PDE1C: variants seen among roughly 807,000 people sequenced by gnomAD.
The protein encoded by PDE1C is dual specificity calcium/calmodulin-dependent 3',5'-cyclic nucleotide phosphodiesterase 1C.
In PDE1C, 62 loss-of-function variants were observed where a neutral mutation model predicts 93.1. The ratio of observed to expected loss-of-function variants is 0.67; its 90% CI spans 0.54 to 0.82. PDE1C has a LOEUF of 0.82. Among genes scored for constraint, PDE1C ranks in the 40% least tolerant of loss-of-function variants. PDE1C has a pLI of 0.00. For missense variants in PDE1C, 742 were observed against 884.6 expected (o/e 0.84, Z 2.04); for synonymous variants, 325 against 310.1 (o/e 1.05, Z -0.50).
chr7:31,636,038 AG>A, the PDE1C span, among the ~76,000 whole-genome samples: 1 of 152,192 alleles, frequency 6.6e-6, no homozygotes, highest in Non-Finnish European at 1.5e-5. Context: ...ACTTTTTCAC[AG>A]GGCAGCAGGA....
At chr7:32,011,531 T>C (rs559486338) in intron 2 of PDE1C, among the ~76,000 whole-genome samples, 67 of 152,276 alleles carry the variant, frequency 4.4e-4, no homozygotes, top group African/African-American at 1.5e-3. Context: ...TTTAAACAGA[T>C]ATTTGACCAA....
chr7:32,252,616 G>A (rs1185226836), intron 1 of PDE1C, among the ~76,000 whole-genome samples: 1 of 152,276 alleles, frequency 6.6e-6, no homozygotes, highest in East Asian at 1.9e-4. Context: ...ATGAATGTTT[G>A]AGGAGGCTAC....
rs1180892572 is a variant in PDE1C, at chr7:31,824,961, T to G, written c.1312A>C (p.Thr438Pro). Reference sequence around the variant, plus strand: ...GTCATGTCCGTAAGCACAGTGAAGGTGGGTTCCACGATGAAATCAATGAAA... The same window carrying G: ...GTCATGTCCGTAAGCACAGTGAAGGGGGGTTCCACGATGAAATCAATGAAA... The part of the protein sequence containing the change: ...VGFIDFIVEP[T>P]FTVLTDMTEK... Residue 438 changes from threonine to proline, a missense_variant, in exon 13 of 18, where the codon ACC becomes CCC. Thr to Pro is a conservative substitution (Grantham distance 38). Around this residue, in one of 4 missense-constraint regions of PDE1C, gnomAD observed 454 missense variants for 459.4 expected, o/e 0.99. Transcript: ENST00000396191. 1 of 1,613,304 alleles carries G rather than the reference T, an allele frequency of 6.2e-7. No homozygotes were observed. The highest frequency in any genetic ancestry group is 1.7e-5 in the Admixed American group (1 of 59,970).
intron 3 of PDE1C, among the ~76,000 whole-genome samples, chr7:32,151,198 C>T (rs72609237): frequency 0.067 from 10,212 of 152,148 alleles, 588 homozygotes; most frequent in East Asian, 0.32. Flanking sequence ...GTCCCCAAAC[C>T]AGCTATTTTT....
At chr7:31,967,638 C>G (rs1368123545) in intron 2 of PDE1C, among the ~76,000 whole-genome samples, 3 of 152,140 alleles carry the variant, frequency 2.0e-5, no homozygotes, top group Non-Finnish European at 2.9e-5. Flanking sequence ...GATACCAAAG[C>G]CTGGCAGAGA....
the PDE1C span, among the ~76,000 whole-genome samples, chr7:31,719,010 C>T: frequency 6.6e-6 from 1 of 152,216 alleles, no homozygotes; most frequent in Non-Finnish European, 1.5e-5. Context: ...CAGGCAAAGG[C>T]AGGCTGAGAG....
the PDE1C span, among the ~76,000 whole-genome samples, chr7:31,701,937 G>A: frequency 3.3e-5 from 5 of 152,182 alleles, no homozygotes; most frequent in Non-Finnish European, 5.9e-5. Flanking sequence ...AATTTGTATG[G>A]CTCTGTTTAT....
chr7:32,039,456 T>C (rs1438301158), intron 2 of PDE1C, among the ~76,000 whole-genome samples: 2 of 152,214 alleles, frequency 1.3e-5, no homozygotes, highest in East Asian at 1.9e-4. Context: ...GTGGAACACA[T>C]CTGAAAGATT....
At chr7:32,089,150 A>T (rs1345259841) in intron 3 of PDE1C, among the ~76,000 whole-genome samples, 1 of 152,236 alleles carries the variant, frequency 6.6e-6, no homozygotes, top group Non-Finnish European at 1.5e-5. Flanking sequence ...TCTTTCCCTA[A>T]ACATAAATAC....
At chr7:31,869,808 A>G (rs1013694171) in intron 6 of PDE1C, among the ~76,000 whole-genome samples, 3 of 152,130 alleles carry the variant, frequency 2.0e-5, no homozygotes, top group Admixed American at 6.5e-5. Context: ...CAGCTACAGA[A>G]CACAAATTTT....
At chr7:31,924,212 C>T (rs1048687993) in intron 2 of PDE1C, among the ~76,000 whole-genome samples, 15 of 152,244 alleles carry the variant, frequency 9.9e-5, no homozygotes, top group Admixed American at 2.6e-4. Context: ...CTCTTTAAGA[C>T]TGAATGGAAT....
the PDE1C span, among the ~76,000 whole-genome samples, chr7:31,665,292 C>T: frequency 6.6e-5 from 10 of 152,178 alleles, no homozygotes; most frequent in South Asian, 2.1e-4. Flanking sequence ...ATATCCAAAA[C>T]GAGGCTCTTC....
At chr7:31,814,823 T>C (rs1240333205) in intron 15 of PDE1C, among the ~76,000 whole-genome samples, 2 of 151,496 alleles carry the variant, frequency 1.3e-5, no homozygotes, top group Admixed American at 6.6e-5. Context: ...ATACATTGTG[T>C]AGAAACAGTA....
intron 3 of PDE1C, among the ~76,000 whole-genome samples, chr7:32,088,482 A>C (rs1041557067): frequency 6.6e-6 from 1 of 152,228 alleles, no homozygotes; most frequent in Non-Finnish European, 1.5e-5. Context: ...GGGCCTTTCT[A>C]ATCTGCCTAG....
chr7:31,777,258 C>T (rs766167363), intron 16 of PDE1C, among the ~76,000 whole-genome samples: 1 of 152,072 alleles, frequency 6.6e-6, no homozygotes, highest in Non-Finnish European at 1.5e-5. Flanking sequence ...GGTAAGCTTT[C>T]CCTACCCCAG....
At chr7:31,721,762 T>A in the PDE1C span, among the ~76,000 whole-genome samples, 1 of 152,232 alleles carries the variant, frequency 6.6e-6, no homozygotes, top group Non-Finnish European at 1.5e-5. Flanking sequence ...GAGATGGTTT[T>A]GGCCTTGAAA....
At chr7:31,933,408 A>T (rs1804600067) in intron 2 of PDE1C, among the ~76,000 whole-genome samples, 1 of 152,210 alleles carries the variant, frequency 6.6e-6, no homozygotes, top group African/African-American at 2.4e-5. Flanking sequence ...ATAATGTCTA[A>T]TACAATTTTC....
chr7:32,251,469 C>T (rs1177313928), intron 1 of PDE1C, among the ~76,000 whole-genome samples: 2 of 152,182 alleles, frequency 1.3e-5, no homozygotes, highest in African/African-American at 2.4e-5. Context: ...ATTACCAAGT[C>T]CTGTCAATTC....
At chr7:32,307,251 G>A (rs1216987556) in intron 1 of PDE1C, among the ~76,000 whole-genome samples, 5 of 152,098 alleles carry the variant, frequency 3.3e-5, no homozygotes, top group Non-Finnish European at 7.3e-5. Context: ...GGCCTATGGA[G>A]TTATTCAGGG....
Sources: allele counts gnomAD v4.1 joint callset (sites outside exome capture counted in the v4.1 genomes callset), GRCh38; gene constraint gnomAD v4.1.1; regional missense constraint gnomAD v4.1.1; transcripts MANE v1.5; gene names NCBI Gene and HGNC (gene_info 2026-07-23, HGNC 2026-07-21).